MAST4: variants seen among roughly 807,000 people sequenced by gnomAD.
The protein encoded by MAST4 is microtubule-associated serine/threonine-protein kinase 4.
A neutral mutation model predicts 162.7 loss-of-function variants in MAST4; 89 were observed. The observed-to-expected ratio is 0.55, with a 90% CI of 0.46 to 0.65. The LOEUF is 0.65. Ranked by LOEUF, MAST4 falls within the 30% of genes least tolerant of loss-of-function variation. MAST4 has a pLI of 0.00. For synonymous variants in MAST4, 1,479 were observed against 1,361.1 expected, an observed-to-expected ratio of 1.09 and a Z score of -1.91; for missense variants, 3,153 against 3,374.0, an observed-to-expected ratio of 0.93 and a Z score of 1.62.
chr5:66,888,019 T>C (rs565860370), intron 3 of MAST4, among the ~76,000 whole-genome samples: 22 of 151,904 alleles, frequency 1.4e-4, no homozygotes, highest in South Asian at 4.1e-4. Context: ...CCATCCTGGC[T>C]AACATGGTGA....
In MAST4 at chr5:67,060,933, G is replaced by A. The variant is rs77415350; in HGVS notation, c.763+6441G>A. On this transcript the variant is annotated intron_variant, in intron 5 of 28. Coordinates refer to ENST00000403625, the MANE Select transcript of MAST4 (RefSeq NM_001164664.2). ...TTACTAATAGGCGTGTGACTGTTTCGTTTTAAAATTTTAAGAGAGTTTATA... is the reference window on the plus strand; with the variant it reads ...TTACTAATAGGCGTGTGACTGTTTCATTTTAAAATTTTAAGAGAGTTTATA... Among the ~76,000 whole-genome samples the A allele has an allele frequency of 6.4e-3, 981 of 152,188 alleles. 17 individuals are homozygous for A. The highest frequency in any genetic ancestry group is 0.022 in the African/African-American group (915 of 41,526).
At chr5:66,762,546 G>A (rs1275140197) in intron 2 of MAST4, among the ~76,000 whole-genome samples, 1 of 152,194 alleles carries the variant, frequency 6.6e-6, no homozygotes, top group Non-Finnish European at 1.5e-5. Context: ...GTTCATGTCA[G>A]GCTAGTGTCA....
intron 3 of MAST4, among the ~76,000 whole-genome samples, chr5:66,865,615 T>C (rs1055918078): frequency 6.6e-6 from 1 of 152,136 alleles, no homozygotes; most frequent in Non-Finnish European, 1.5e-5. Flanking sequence ...TACATGGATA[T>C]GGAAAAAATT....
At chr5:66,864,970 A>G (rs1206801814) in intron 3 of MAST4, among the ~76,000 whole-genome samples, 1 of 122,376 alleles carries the variant, frequency 8.2e-6, no homozygotes, top group Admixed American at 8.9e-5. Flanking sequence ...TAAAACCGGT[A>G]GGATTTGCCG....
chr5:67,037,170 G>GAATC (rs1756127147), intron 4 of MAST4, among the ~76,000 whole-genome samples: 2 of 152,108 alleles, frequency 1.3e-5, no homozygotes, highest in South Asian at 4.1e-4. Flanking sequence ...TGAGGTAGGA[G>GAATC]AATCACTTGA....
chr5:66,880,102 T>C (rs1761593751), intron 3 of MAST4, among the ~76,000 whole-genome samples: 1 of 152,232 alleles, frequency 6.6e-6, no homozygotes, highest in Admixed American at 6.5e-5. Flanking sequence ...CATACAGCTA[T>C]GTAAAAGACT....
intron 4 of MAST4, among the ~76,000 whole-genome samples, chr5:66,978,668 G>A (rs1748426043): frequency 6.6e-6 from 1 of 152,134 alleles, no homozygotes; most frequent in South Asian, 2.1e-4. Context: ...TGAGCAGAAG[G>A]GTAGGAGTGA....
chr5:66,712,041 AT>A, intron 1 of MAST4, among the ~76,000 whole-genome samples: 1 of 152,300 alleles, frequency 6.6e-6, no homozygotes, highest in Non-Finnish European at 1.5e-5. Context: ...TGAAGATACT[AT>A]CATTTATCCG....
chr5:66,597,784 C>T (rs191875826), intron 1 of MAST4, among the ~76,000 whole-genome samples: 56 of 152,296 alleles, frequency 3.7e-4, no homozygotes, highest in African/African-American at 1.3e-3. Flanking sequence ...CTTCCTGACA[C>T]ACTGAGCATA....
At position 66,730,988 on chromosome 5, in the gene MAST4, C is replaced by G. The variant is rs75548995; in HGVS notation, c.364-28721C>G. On this transcript the variant is annotated intron_variant, in intron 1 of 28. Transcript: ENST00000403625. ...TGGCAATAGAAATAGATATCAAGTC[C>G]TACCTAAGTAGGTATTGGAACTTTA... 7.8e-3 allele frequency among the ~76,000 whole-genome samples: 1,182 copies of G among 152,174 alleles called. 19 individuals carry two copies. The highest frequency in any genetic ancestry group is 0.026 in the African/African-American group (1,086 of 41,524).
chr5:66,724,419 G>A (rs573626665), intron 1 of MAST4, among the ~76,000 whole-genome samples: 4 of 152,218 alleles, frequency 2.6e-5, no homozygotes, highest in South Asian at 4.1e-4. Flanking sequence ...GATGAGTTAC[G>A]GATTTTGATT....
intron 2 of MAST4, among the ~76,000 whole-genome samples, chr5:66,780,811 A>G (rs902354891): frequency 2.0e-5 from 3 of 152,018 alleles, no homozygotes; most frequent in Non-Finnish European, 4.4e-5. Context: ...GTGCTGATTG[A>G]TGCATTTTTA....
intron 1 of MAST4, among the ~76,000 whole-genome samples, chr5:66,683,654 TC>T (rs1748465318): frequency 6.6e-6 from 1 of 152,152 alleles, no homozygotes; most frequent in African/African-American, 2.4e-5. Flanking sequence ...TAAAAACCAC[TC>T]CGGATACATA....
At chr5:66,790,930 T>G (rs1365553237) in intron 3 of MAST4, among the ~76,000 whole-genome samples, 3 of 152,242 alleles carry the variant, frequency 2.0e-5, no homozygotes, top group African/African-American at 7.2e-5. Context: ...TCTTTACACC[T>G]AAATAGTAAT....
intron 5 of MAST4, among the ~76,000 whole-genome samples, chr5:67,061,363 T>C (rs1759575655): frequency 6.6e-6 from 1 of 152,224 alleles, no homozygotes; most frequent in Non-Finnish European, 1.5e-5. Flanking sequence ...TGTATCTCCT[T>C]TTGTTATTTA....
At position 67,152,730 on chromosome 5, in the gene MAST4, AT is replaced by A; in HGVS notation, c.3391del (p.Ser1131ProfsTer13). On this transcript the variant is annotated frameshift_variant, in exon 25 of 29. Coordinates refer to ENST00000403625, the MANE Select transcript of MAST4 (RefSeq NM_001164664.2). LOFTEE classifies it high-confidence loss of function. ...TCACGAGATTCCTCTCCCAGCCGAG[AT>A]TCCTCAGCAGCTTCTGCCAGTCCAC... ...SSSRDSSPSR[D>X]SSAASASPHQ... The A allele has an allele frequency of 6.2e-7, 1 of 1,614,006 alleles. No individual in the cohort carries two copies.
At chr5:66,600,946 A>G (rs1273845366) in intron 1 of MAST4, among the ~76,000 whole-genome samples, 1 of 152,222 alleles carries the variant, frequency 6.6e-6, no homozygotes, top group East Asian at 1.9e-4. Context: ...TAAGGGACTT[A>G]TTTTGTTGGT....
chr5:66,780,638 C>T (rs964143843), intron 2 of MAST4, among the ~76,000 whole-genome samples: 1 of 152,204 alleles, frequency 6.6e-6, no homozygotes, highest in African/African-American at 2.4e-5. Context: ...GTTGCTGCTG[C>T]TGGCTCAGGT....
Position 67,165,806 on chromosome 5 carries a change from C to CCGGT in MAST4, c.6629_6632dup (p.Leu2212ValfsTer26). ...GCCCTCCAAAGACTAAGCACCCCGA[C>CCGGT]CGGTCCCTCTCCTCTCAGAAACCAA... On this transcript the variant is annotated frameshift_variant, in exon 29 of 29. Transcript: ENST00000403625. LOFTEE classifies it low-confidence loss of function (END_TRUNC). 1 of 1,612,050 alleles carries CCGGT rather than the reference C, an allele frequency of 6.2e-7. No individual in the cohort carries two copies. The highest frequency in any genetic ancestry group is 8.5e-7 in the Non-Finnish European group (1 of 1,179,386).
Sources: allele counts gnomAD v4.1 joint callset (sites outside exome capture counted in the v4.1 genomes callset), GRCh38; gene constraint gnomAD v4.1.1; transcripts MANE v1.5; gene names NCBI Gene and HGNC (gene_info 2026-07-23, HGNC 2026-07-21).